Variants in GRID2 observed in about 807,000 individuals in gnomAD.
GRID2 encodes glutamate receptor ionotropic, delta-2.
GRID2 carries 33 observed loss-of-function variants against 114.8 expected under a neutral mutation model. That is an observed-to-expected ratio of 0.29 (90% confidence interval 0.22 to 0.38). The LOEUF (loss-of-function observed/expected upper bound fraction) is 0.38, where lower values mean the gene tolerates loss of function less well. GRID2 is among the 10% of genes least tolerant of loss of function. The probability of loss-of-function intolerance (pLI) is 1.00; values close to 1 mark genes in which losing one functional copy is unlikely to be tolerated. For synonymous variants in GRID2, 505 were observed against 449.9 expected (o/e 1.12, Z -1.55); for missense variants, 1,184 against 1,257.7 (o/e 0.94, Z 0.89).
rs202115638 is a variant in GRID2 at position 92,383,044 on chromosome 4, T to C, written c.88+78300T>C. 5.9e-5 allele frequency among the ~76,000 whole-genome samples: 9 copies of C among 152,028 alleles called. No individual in the cohort carries two copies. In the East Asian group the frequency reaches 1.6e-3, roughly 26 times the overall value. ...ATGGAGGAGTAGCCAGCACTTCACA[T>C]GGCCAGAACATGAGGAAGAGAGAGA... On this transcript the variant is annotated intron_variant, in intron 1 of 15. Coordinates refer to ENST00000282020, the MANE Select transcript of GRID2 (RefSeq NM_001510.4).
At chr4:92,906,509 G>A (rs1230956697) in intron 2 of GRID2, among the ~76,000 whole-genome samples, 1 of 145,570 alleles carries the variant, frequency 6.9e-6, no homozygotes, top group Non-Finnish European at 1.5e-5. Flanking sequence ...TTTACTCTAG[G>A]AAACTTCATA....
chr4:93,391,109 T>A (rs899430764), intron 8 of GRID2, among the ~76,000 whole-genome samples: 1 of 152,144 alleles, frequency 6.6e-6, no homozygotes, highest in Admixed American at 6.6e-5. Context: ...AGTAATAGAA[T>A]CTTAGGAGCA....
intron 14 of GRID2, among the ~76,000 whole-genome samples, chr4:93,728,460 C>G (rs1369224704): frequency 1.3e-5 from 2 of 152,042 alleles, no homozygotes; most frequent in Non-Finnish European, 2.9e-5. Flanking sequence ...AATGTATATT[C>G]TGTTGATTTG....
At position 93,455,886 on chromosome 4, in the gene GRID2, T is replaced by G. The variant is rs181287743; in HGVS notation, c.1770T>G (p.Leu590=). Residue 590 remains leucine, a synonymous_variant, in exon 11 of 16, where the codon CTT becomes CTG. Transcript: ENST00000282020. ...TACTGGTCTACCTCTTGAACTGGCT[T>G]AATCCCCCACGATTACAAATGGGAT... ...VGLLVYLLNW[L]NPPRLQMGSM... 3 of 1,610,660 alleles carry G rather than the reference T, an allele frequency of 1.9e-6. No individual in the cohort carries two copies. In the East Asian group the frequency reaches 6.7e-5, roughly 36 times the overall value.
chr4:92,648,503 C>T lies in GRID2; in HGVS notation c.244+58217C>T, dbSNP rs559131517. Among the ~76,000 whole-genome samples, 24 of 149,692 alleles carry T rather than the reference C, an allele frequency of 1.6e-4. 3 individuals are homozygous for T. The highest frequency in any genetic ancestry group is 6.0e-4 in the African/African-American group (24 of 39,942). ...CATTTATCAAGCACTTAGCATGTAT[C>T]GAGCATGGCTGTTAATGCTGGGGGT... On this transcript the variant is annotated intron_variant, in intron 2 of 15. Coordinates refer to ENST00000282020, the MANE Select transcript of GRID2 (RefSeq NM_001510.4).
chr4:92,856,390 A>G (rs1264261389), intron 2 of GRID2, among the ~76,000 whole-genome samples: 3 of 152,036 alleles, frequency 2.0e-5, no homozygotes, highest in African/African-American at 7.2e-5. Context: ...TTAACAAGCA[A>G]TATGCCTAAA....
chr4:92,462,639 T>A (rs1006989216), intron 1 of GRID2, among the ~76,000 whole-genome samples: 8 of 152,004 alleles, frequency 5.3e-5, no homozygotes, highest in Non-Finnish European at 1.2e-4. Flanking sequence ...TAGTTTGTAA[T>A]TTAATGGACT....
intron 13 of GRID2, among the ~76,000 whole-genome samples, chr4:93,517,157 C>T (rs2149492836): frequency 6.6e-6 from 1 of 152,080 alleles, no homozygotes; most frequent in Non-Finnish European, 1.5e-5. Context: ...TATAAAGCAT[C>T]AATAAGTAGT....
intron 8 of GRID2, among the ~76,000 whole-genome samples, chr4:93,259,469 A>C (rs565216296): frequency 6.6e-6 from 1 of 151,940 alleles, no homozygotes; most frequent in East Asian, 1.9e-4. Flanking sequence ...AGGTGCATAT[A>C]TATGTCAAAT....
In GRID2 at chr4:92,542,846, G is replaced by C. The variant is rs1579551411; in HGVS notation, c.89-47285G>C. ...ATTATTAGTAAGTAAACAATCAGAA[G>C]GTAATAATTGATTATAGTACGTGTG... is the stretch of plus-strand genomic sequence containing the variant. On this transcript the variant is annotated intron_variant, in intron 1 of 15. Transcript: ENST00000282020. Among the ~76,000 whole-genome samples, 4 of 151,964 alleles carry C rather than the reference G, an allele frequency of 2.6e-5. No homozygotes were observed. In the South Asian group the frequency reaches 8.3e-4, roughly 32 times the overall value.
chr4:92,660,401 T>C (rs1732460526), intron 2 of GRID2, among the ~76,000 whole-genome samples: 1 of 151,292 alleles, frequency 6.6e-6, no homozygotes, highest in Non-Finnish European at 1.5e-5. Flanking sequence ...AAACGATGAC[T>C]AAGAGAAGGT....
At chr4:93,052,372 G>T (rs1726802922) in intron 2 of GRID2, among the ~76,000 whole-genome samples, 1 of 151,802 alleles carries the variant, frequency 6.6e-6, no homozygotes, top group Non-Finnish European at 1.5e-5. Context: ...TCTGAGACGT[G>T]CATCTTTAGG....
chr4:92,605,488 C>A (rs149367069), intron 2 of GRID2, among the ~76,000 whole-genome samples: 1 of 151,822 alleles, frequency 6.6e-6, no homozygotes, highest in African/African-American at 2.4e-5. Context: ...ATAGTGGAAA[C>A]AAGTGACATA....
intron 13 of GRID2, among the ~76,000 whole-genome samples, chr4:93,532,804 T>G (rs1731584794): frequency 6.6e-6 from 1 of 152,192 alleles, no homozygotes; most frequent in Non-Finnish European, 1.5e-5. Context: ...TAGCTGTTTT[T>G]TAGAAATTGC....
chr4:93,671,313 A>G (rs1724390684), intron 14 of GRID2, among the ~76,000 whole-genome samples: 1 of 152,244 alleles, frequency 6.6e-6, no homozygotes. Flanking sequence ...CAGCCTGAGA[A>G]AGTTAAGTAA....
At chr4:93,370,344 C>G (rs1328524529) in intron 8 of GRID2, among the ~76,000 whole-genome samples, 1 of 151,616 alleles carries the variant, frequency 6.6e-6, no homozygotes, top group Non-Finnish European at 1.5e-5. Context: ...CTTAACATTC[C>G]TCTCCTTGCT....
At chr4:93,328,788 G>A (rs898824634) in intron 8 of GRID2, among the ~76,000 whole-genome samples, 2 of 151,946 alleles carry the variant, frequency 1.3e-5, no homozygotes, top group African/African-American at 4.8e-5. Flanking sequence ...AGGATCAGTA[G>A]GTTATGTGGG....
intron 2 of GRID2, among the ~76,000 whole-genome samples, chr4:92,647,012 C>T (rs1007112741): frequency 7.9e-5 from 12 of 152,044 alleles, no homozygotes; most frequent in Admixed American, 5.2e-4. Flanking sequence ...AGCAGTACAA[C>T]TTGTTCCCTA....
At chr4:93,335,520 C>T (rs1372852908) in intron 8 of GRID2, among the ~76,000 whole-genome samples, 1 of 152,062 alleles carries the variant, frequency 6.6e-6, no homozygotes, top group Non-Finnish European at 1.5e-5. Context: ...TGGGCACAGG[C>T]AATACAAACC....
Sources: allele counts gnomAD v4.1 joint callset (sites outside exome capture counted in the v4.1 genomes callset), GRCh38; gene constraint gnomAD v4.1.1; transcripts MANE v1.5; gene names NCBI Gene and HGNC (gene_info 2026-07-23, HGNC 2026-07-21).